The following CCDC178 variants were observed in gnomAD, a reference collection of about 807,000 sequenced individuals.
CCDC178 encodes the protein coiled-coil domain containing 178.
In CCDC178, 126 loss-of-function variants were observed where a neutral mutation model predicts 117.4. That is an observed-to-expected ratio of 1.07 (90% CI 0.93 to 1.24). CCDC178 has a LOEUF of 1.24. Among genes scored for constraint, CCDC178 ranks in the 50% most tolerant of loss-of-function variants. The pLI, the probability that CCDC178 is intolerant of heterozygous loss-of-function variation, is 0.00. For missense variants in CCDC178, 1,030 were observed against 986.9 expected, an observed-to-expected ratio of 1.04 and a Z score of -0.59; for synonymous variants, 283 against 313.4, an observed-to-expected ratio of 0.90 and a Z score of 1.02.
intron 21 of CCDC178, among the ~76,000 whole-genome samples, chr18:32,988,350 C>T (rs1322551379): frequency 2.0e-5 from 3 of 151,728 alleles, no homozygotes; most frequent in Admixed American, 6.6e-5. Flanking sequence ...GCAGGAGAAT[C>T]GCTTGAACCC....
At chr18:33,270,550 T>A (rs2059875241) in intron 12 of CCDC178, among the ~76,000 whole-genome samples, 1 of 151,558 alleles carries the variant, frequency 6.6e-6, no homozygotes, top group South Asian at 2.1e-4. Context: ...CAGACAATTT[T>A]TCAGTCAAAA....
chr18:33,106,676 G>A (rs985170930), intron 20 of CCDC178, among the ~76,000 whole-genome samples: 1 of 151,644 alleles, frequency 6.6e-6, no homozygotes, highest in African/African-American at 2.4e-5. Flanking sequence ...CATGGCAAAG[G>A]GACTTTGCAG....
chr18:33,197,659 G>C (rs959139680), intron 20 of CCDC178, among the ~76,000 whole-genome samples: 1 of 151,030 alleles, frequency 6.6e-6, no homozygotes. Flanking sequence ...CTCGAACCCT[G>C]AAAGATCAAC....
intron 20 of CCDC178, among the ~76,000 whole-genome samples, chr18:33,094,493 G>T (rs940244521): frequency 3.3e-5 from 5 of 151,550 alleles, no homozygotes; most frequent in Non-Finnish European, 7.4e-5. Flanking sequence ...TTGTTTTTTT[G>T]ATTAAATCTA....
chr18:32,950,392 G>A (rs1421788083), intron 22 of CCDC178, among the ~76,000 whole-genome samples: 1 of 152,114 alleles, frequency 6.6e-6, no homozygotes, highest in Non-Finnish European at 1.5e-5. Context: ...TCATTTCTTT[G>A]TGGGATCACT....
At chr18:32,997,930 T>C (rs1168441323) in intron 21 of CCDC178, among the ~76,000 whole-genome samples, 6 of 152,318 alleles carry the variant, frequency 3.9e-5, no homozygotes, top group Non-Finnish European at 8.8e-5. Flanking sequence ...GATGTCCTAA[T>C]AGAAACCCTC....
chr18:33,432,508 C>CACAG (rs2064234878), intron 2 of CCDC178, among the ~76,000 whole-genome samples: 1 of 151,290 alleles, frequency 6.6e-6, no homozygotes, highest in Non-Finnish European at 1.5e-5. Context: ...CACACACACA[C>CACAG]ACACACACAC....
At chr18:32,972,347 C>T (rs532837890) in intron 22 of CCDC178, among the ~76,000 whole-genome samples, 2 of 152,148 alleles carry the variant, frequency 1.3e-5, no homozygotes, top group South Asian at 4.1e-4. Context: ...GGTTTTATTT[C>T]TGAGGTCTCT....
At chr18:33,095,685 C>T (rs531929605) in intron 20 of CCDC178, among the ~76,000 whole-genome samples, 57 of 151,824 alleles carry the variant, frequency 3.8e-4, no homozygotes, top group Middle Eastern at 3.4e-3. Context: ...TTTTCAACTT[C>T]TATGAAGTAA....
At chr18:33,247,324 A>C (rs892728684) in intron 14 of CCDC178, among the ~76,000 whole-genome samples, 1 of 151,850 alleles carries the variant, frequency 6.6e-6, no homozygotes, top group Non-Finnish European at 1.5e-5. Flanking sequence ...CAAAGATCTA[A>C]GTAAAGAAAT....
At chr18:33,345,362 T>C (rs1374457132) in intron 9 of CCDC178, among the ~76,000 whole-genome samples, 1 of 152,286 alleles carries the variant, frequency 6.6e-6, no homozygotes, top group Middle Eastern at 3.4e-3. Flanking sequence ...TCTTTAATCC[T>C]TCACCATAGG....
intron 5 of CCDC178, among the ~76,000 whole-genome samples, chr18:33,384,364 C>T (rs1214435140): frequency 1.3e-5 from 2 of 152,114 alleles, no homozygotes; most frequent in Non-Finnish European, 1.5e-5. Flanking sequence ...ATCCAGAGAA[C>T]TCCAGCAAGA....
chr18:33,428,228 T>G (rs950507709), intron 2 of CCDC178, among the ~76,000 whole-genome samples: 1 of 152,198 alleles, frequency 6.6e-6, no homozygotes, highest in African/African-American at 2.4e-5. Context: ...AGACAACTCC[T>G]GCCCTCCAGA....
intron 20 of CCDC178, among the ~76,000 whole-genome samples, chr18:33,192,303 G>T (rs1330199318): frequency 6.6e-6 from 1 of 152,072 alleles, no homozygotes; most frequent in Admixed American, 6.5e-5. Flanking sequence ...AAGATAAAAC[G>T]TTAGATATAG....
chr18:33,134,450 A>T (rs1006187575), intron 20 of CCDC178, among the ~76,000 whole-genome samples: 2 of 152,076 alleles, frequency 1.3e-5, no homozygotes, highest in African/African-American at 4.8e-5. Context: ...GAGAAATTTC[A>T]TAATAATGAT....
chr18:33,306,122 A>G (rs973468423), intron 11 of CCDC178, among the ~76,000 whole-genome samples: 1 of 152,178 alleles, frequency 6.6e-6, no homozygotes, highest in African/African-American at 2.4e-5. Context: ...GCTCGTCCTA[A>G]GACTTATTCT....
intron 15 of CCDC178, among the ~76,000 whole-genome samples, chr18:33,240,702 T>A (rs1323698745): frequency 6.6e-6 from 1 of 151,840 alleles, no homozygotes; most frequent in Non-Finnish European, 1.5e-5. Context: ...CAAGATTGAA[T>A]CAGTTCTAAA....
intron 9 of CCDC178, among the ~76,000 whole-genome samples, chr18:33,340,782 C>G (rs1053683392): frequency 2.6e-5 from 4 of 152,190 alleles, no homozygotes; most frequent in Non-Finnish European, 5.9e-5. Flanking sequence ...GTTTGAGAAC[C>G]TCCGCCTAAA....
At chr18:33,411,581 A>T (rs978849175) in intron 3 of CCDC178, among the ~76,000 whole-genome samples, 1 of 152,032 alleles carries the variant, frequency 6.6e-6, no homozygotes, top group Admixed American at 6.6e-5. Flanking sequence ...ATATAATTTT[A>T]AAAATAGAAT....
Sources: allele counts gnomAD v4.1 joint callset (sites outside exome capture counted in the v4.1 genomes callset), GRCh38; gene constraint gnomAD v4.1.1; transcripts MANE v1.5; gene names NCBI Gene and HGNC (gene_info 2026-07-23, HGNC 2026-07-21).